The following ERBB4 variants were observed in gnomAD, a reference collection of about 807,000 sequenced individuals.
ERBB4 encodes the protein erb-b2 receptor tyrosine kinase 4.
In ERBB4, 42 loss-of-function variants were observed where a neutral mutation model predicts 158.0. That is an observed-to-expected ratio of 0.27 (90% CI 0.21 to 0.34). ERBB4 has a LOEUF of 0.34. Among genes scored for constraint, ERBB4 ranks in the 10% least tolerant of loss-of-function variants. ERBB4 has a pLI of 1.00. For synonymous variants in ERBB4, 583 were observed against 558.7 expected (o/e 1.04, Z -0.61); for missense variants, 1,333 against 1,624.1 (o/e 0.82, Z 3.08).
chr2:211,376,213 C>A lies in ERBB4; in HGVS notation c.*7402G>T, dbSNP rs1427635639. 4.3e-6 allele frequency: 1 copy of A among 232,918 alleles called. No individual in the cohort carries two copies. The highest frequency in any genetic ancestry group is 1.8e-4 in the South Asian group (1 of 5,532). The allele number at this position is 232,918 out of a possible 1,614,324, so 14.4% of individuals were successfully genotyped here. On this transcript the variant is annotated 3_prime_UTR_variant, in exon 28 of 28. Transcript: ENST00000342788. ...TTGAACACATCACAATAGTGCTGAA[C>A]ACAGAATCACAAGTAATGTCAAAAT...
intron 1 of ERBB4, among the ~76,000 whole-genome samples, chr2:212,531,387 T>C (rs531300831): frequency 3.2e-4 from 48 of 152,304 alleles, no homozygotes; most frequent in African/African-American, 1.1e-3. Flanking sequence ...AAAGGTGCTA[T>C]AGAAATAAAT....
intron 1 of ERBB4, among the ~76,000 whole-genome samples, chr2:212,186,814 G>A (rs201124143): frequency 1.3e-5 from 2 of 152,022 alleles, no homozygotes; most frequent in South Asian, 2.1e-4. Context: ...AGTATGCAGC[G>A]ATAAAATACG....
chr2:211,505,825 T>G (rs2065732558), intron 20 of ERBB4, among the ~76,000 whole-genome samples: 1 of 151,914 alleles, frequency 6.6e-6, no homozygotes, highest in Admixed American at 6.6e-5. Flanking sequence ...CTAGGCGTGG[T>G]AGTGGGTGCC....
intron 1 of ERBB4, among the ~76,000 whole-genome samples, chr2:212,451,511 AT>A (rs1288561151): frequency 6.6e-6 from 1 of 152,224 alleles, no homozygotes; most frequent in African/African-American, 2.4e-5. Flanking sequence ...TAAAAATCAA[AT>A]TATATAGTCA....
intron 2 of ERBB4, among the ~76,000 whole-genome samples, chr2:212,027,284 A>G (rs537456323): frequency 6.6e-6 from 1 of 152,210 alleles, no homozygotes; most frequent in South Asian, 2.1e-4. Context: ...GTGAGAAATT[A>G]TATGTGTTAA....
At chr2:212,345,880 A>G (rs1443932000) in intron 1 of ERBB4, among the ~76,000 whole-genome samples, 1 of 152,178 alleles carries the variant, frequency 6.6e-6, no homozygotes, top group East Asian at 1.9e-4. Flanking sequence ...TGAGACCAAT[A>G]TATCTGGAAA....
chr2:211,932,500 T>G (rs2080205133), intron 3 of ERBB4, among the ~76,000 whole-genome samples: 1 of 152,054 alleles, frequency 6.6e-6, no homozygotes, highest in Non-Finnish European at 1.5e-5. Context: ...CATTCCCTAT[T>G]TCACCAGCTA....
chr2:212,373,997 CAT>C (rs369049243), intron 1 of ERBB4, among the ~76,000 whole-genome samples: 8,928 of 88,040 alleles, frequency 0.1, 1,730 homozygotes, highest in South Asian at 0.15. Flanking sequence ...CATATATATC[CAT>C]ATATATATAT....
chr2:211,807,191 C>G (rs542087645), intron 3 of ERBB4, among the ~76,000 whole-genome samples: 2 of 151,826 alleles, frequency 1.3e-5, no homozygotes, highest in Non-Finnish European at 2.9e-5. Flanking sequence ...ATGTGCACAA[C>G]GTGCAGGTTT....
At chr2:211,534,311 C>T (rs900963514) in intron 20 of ERBB4, among the ~76,000 whole-genome samples, 4 of 152,026 alleles carry the variant, frequency 2.6e-5, no homozygotes, top group Non-Finnish European at 5.9e-5. Context: ...GGGTGTTCTG[C>T]GTGCTAGTAA....
chr2:211,752,969 G>A (rs1227489728), intron 4 of ERBB4, among the ~76,000 whole-genome samples: 3 of 152,044 alleles, frequency 2.0e-5, no homozygotes, highest in East Asian at 1.9e-4. Context: ...CCCATAAATC[G>A]CTGTTCAGCC....
chr2:211,400,255 A>ATGTT (rs1044050703), intron 25 of ERBB4, among the ~76,000 whole-genome samples: 3 of 152,126 alleles, frequency 2.0e-5, no homozygotes, highest in Non-Finnish European at 2.9e-5. Context: ...CGTGTTTATG[A>ATGTT]TGTTAAATAT....
At chr2:212,256,003 T>TA (rs1553605792) in intron 1 of ERBB4, among the ~76,000 whole-genome samples, 9 of 131,678 alleles carry the variant, frequency 6.8e-5, no homozygotes, top group Non-Finnish European at 1.0e-4. Flanking sequence ...ATTTATTTAT[T>TA]TTTTTTTTAC....
At chr2:212,258,499 G>A (rs1393313894) in intron 1 of ERBB4, among the ~76,000 whole-genome samples, 1 of 150,924 alleles carries the variant, frequency 6.6e-6, no homozygotes, top group Non-Finnish European at 1.5e-5. Context: ...AAATAGTTAC[G>A]CTAAAATAAT....
chr2:211,623,821 A>T, intron 18 of ERBB4, 101 bp downstream of exon 18: 1 of 1,142,722 alleles, frequency 8.8e-7, no homozygotes, highest in Non-Finnish European at 1.3e-6. Flanking sequence ...TCTGAATATT[A>T]TAAGAAAATT....
chr2:212,511,664 T>C (rs775382425), intron 1 of ERBB4, among the ~76,000 whole-genome samples: 1 of 152,102 alleles, frequency 6.6e-6, no homozygotes, highest in African/African-American at 2.4e-5. Flanking sequence ...GGAGTCAACT[T>C]AAAGGAAGAG....
intron 3 of ERBB4, among the ~76,000 whole-genome samples, chr2:211,861,177 TTTTTTGAGACAGAGTCTCAC>T (rs1447750890): frequency 1.1e-5 from 1 of 88,406 alleles, no homozygotes; most frequent in East Asian, 3.1e-4. Flanking sequence ...AGTTTTTTTT[TTTTTTGAGACAGAGTCTCAC>T]TCTGTCACCC....
At chr2:212,272,406 G>A (rs1049960285) in intron 1 of ERBB4, among the ~76,000 whole-genome samples, 1 of 151,712 alleles carries the variant, frequency 6.6e-6, no homozygotes, top group Non-Finnish European at 1.5e-5. Context: ...ATAGTCAGAT[G>A]GGGCAATATG....
chr2:212,003,148 G>GGAAAGAAAGAAAGAAAGAAA (rs1327750603), intron 2 of ERBB4, among the ~76,000 whole-genome samples: 31 of 15,186 alleles, frequency 2.0e-3, no homozygotes, highest in African/African-American at 4.4e-3. Context: ...AAGGAAGGAA[G>GGAAAGAAAGAAAGAAAGAAA]GAAAGAAAGA....
Sources: allele counts gnomAD v4.1 joint callset (sites outside exome capture counted in the v4.1 genomes callset), GRCh38; gene constraint gnomAD v4.1.1; transcripts MANE v1.5; gene names NCBI Gene and HGNC (gene_info 2026-07-23, HGNC 2026-07-21).